Variants in LARP6 observed in about 807,000 individuals in gnomAD.
The protein encoded by LARP6 is la-related protein 6.
In LARP6, 18 loss-of-function variants were observed where a neutral mutation model predicts 32.8. The ratio of observed to expected loss-of-function variants is 0.55; its 90% CI spans 0.38 to 0.81. The LOEUF is 0.81. Ranked by LOEUF, LARP6 falls within the 40% of genes least tolerant of loss-of-function variation. The pLI is 0.00. For missense variants in LARP6, 598 were observed against 663.1 expected (o/e 0.90, Z 1.08); for synonymous variants, 289 against 267.2 (o/e 1.08, Z -0.80).
At chr15:70,833,706 T>C (rs576753017) in intron 2 of LARP6, among the ~76,000 whole-genome samples, 2 of 152,362 alleles carry the variant, frequency 1.3e-5, no homozygotes, top group East Asian at 1.9e-4. Flanking sequence ...ATTATTTTGA[T>C]AGGATTTGGA....
At chr15:70,840,294 C>A (rs111749268) in intron 1 of LARP6, among the ~76,000 whole-genome samples, 1 of 152,260 alleles carries the variant, frequency 6.6e-6, no homozygotes, top group Admixed American at 6.5e-5. Context: ...AATCCCAGCA[C>A]TTTGGGAGGC....
chr15:70,839,773 C>A (rs550428628), intron 1 of LARP6, among the ~76,000 whole-genome samples: 31 of 152,210 alleles, frequency 2.0e-4, no homozygotes, highest in African/African-American at 7.5e-4. Context: ...ACTCTAGAGG[C>A]TATAAAAACT....
At position 70,830,665 on chromosome 15, in the gene LARP6, G is replaced by A. The variant is rs2032024155; in HGVS notation, c.*1387C>T. The A allele has an allele frequency of 6.6e-6, 1 of 152,050 alleles. No individual in the cohort carries two copies. The highest frequency in any genetic ancestry group is 6.6e-5 in the Admixed American group (1 of 15,260). The allele number at this position is 152,050 out of a possible 1,614,324, so 9.4% of individuals were successfully genotyped here. On this transcript the variant is annotated 3_prime_UTR_variant, in exon 3 of 3. Transcript: ENST00000299213. ...CTGAACATTTCTCTTGTAGTTTTTG[G>A]GCAGATTAAATGAGATAATGCATGG...
At chr15:70,835,075 T>C (rs1484967111) in intron 2 of LARP6, among the ~76,000 whole-genome samples, 1 of 152,236 alleles carries the variant, frequency 6.6e-6, no homozygotes, top group East Asian at 1.9e-4. Flanking sequence ...ATGATTCCAC[T>C]GGCTGCTTCA....
intron 2 of LARP6, among the ~76,000 whole-genome samples, chr15:70,833,892 C>A (rs1342206896): frequency 6.6e-6 from 1 of 152,128 alleles, no homozygotes; most frequent in African/African-American, 2.4e-5. Context: ...TGAAATAATC[C>A]CTCCCTCCTC....
chr15:70,833,469 C>T (rs1210509760), intron 2 of LARP6, among the ~76,000 whole-genome samples: 2 of 152,196 alleles, frequency 1.3e-5, no homozygotes, highest in Non-Finnish European at 2.9e-5. Context: ...TGAAGTAAGA[C>T]TTGGAAAGTT....
chr15:70,833,034 C>G lies in LARP6; in HGVS notation c.494G>C (p.Arg165Pro). The G allele has an allele frequency of 4.3e-6, 7 of 1,614,026 alleles. No homozygotes were observed. The highest frequency in any genetic ancestry group is 5.9e-6 in the Non-Finnish European group (7 of 1,179,942). The change falls in exon 3 of 3, where the codon CGG becomes CCG. Residue 165 changes from arginine (R) to proline (P), a missense_variant. Coordinates refer to ENST00000299213, the MANE Select transcript of LARP6 (RefSeq NM_018357.4). ...SVVLELNEDH[R>P]KVRRTTPVPL... is the part of the protein sequence containing the mutation. ...GACGGGGGTGGTCCTCCTCACCTTC[C>G]GGTGGTCCTCATTCAACTCAAGGAC... is the stretch of plus-strand genomic sequence containing the variant.
At position 70,851,752 on chromosome 15, in the gene LARP6, T is replaced by C. The variant is rs769870148; in HGVS notation, c.200+2137A>G. 23 of 1,613,546 alleles carry C rather than the reference T, an allele frequency of 1.4e-5. 1 individual carries two copies. The highest frequency in any genetic ancestry group is 2.2e-5 in the South Asian group (2 of 91,052). ...GGGAGACACAATGATAGAATCACAA[T>C]TGTGGAAGGTGCTAGGCATAAAATG... On this transcript the variant is annotated intron_variant, in intron 1 of 2. Coordinates refer to ENST00000299213, the MANE Select transcript of LARP6 (RefSeq NM_018357.4).
At chr15:70,843,347 A>G (rs2032289483) in intron 1 of LARP6, among the ~76,000 whole-genome samples, 1 of 152,224 alleles carries the variant, frequency 6.6e-6, no homozygotes, top group Non-Finnish European at 1.5e-5. Context: ...TAAACATAGC[A>G]AAAACTAGAA....
Position 70,832,723 on chromosome 15 carries a change from C to T in LARP6, c.805G>A (p.Ala269Thr). 6.3e-7 allele frequency: 1 copy of T among 1,598,334 alleles called. No homozygotes were observed. The highest frequency in any genetic ancestry group is 8.5e-7 in the Non-Finnish European group (1 of 1,173,884). ...ATCATGAACTCATGGGCTTTGATGG[C>T]TGCTTCCACCTCCTCGAACTCCACG... is the stretch of plus-strand genomic sequence containing the variant. The part of the protein sequence containing the change: ...AIVEFEEVEA[A>T]IKAHEFMITE... The change falls in exon 3 of 3, where the codon GCC becomes ACC. Residue 269 changes from alanine (A) to threonine (T), a missense_variant. Ala to Thr is a moderately conservative substitution (Grantham distance 58, BLOSUM62 0). Transcript: ENST00000299213.
At chr15:70,848,479 C>A (rs1283317554) in intron 1 of LARP6, among the ~76,000 whole-genome samples, 2 of 152,216 alleles carry the variant, frequency 1.3e-5, no homozygotes, top group Admixed American at 1.3e-4. Context: ...CGCCTGTAAT[C>A]CCAGCACTTT....
chr15:70,838,035 A>G, intron 1 of LARP6, among the ~76,000 whole-genome samples: 1 of 152,174 alleles, frequency 6.6e-6, no homozygotes. Flanking sequence ...CAATATTTTT[A>G]ATAATTTTGT....
intron 2 of LARP6, 152 bp from the exon 3 acceptor site, chr15:70,833,268 C>T (rs370735818): frequency 2.9e-5 from 18 of 630,590 alleles, no homozygotes; most frequent in East Asian, 1.4e-4. Context: ...TGTAAACACT[C>T]AAAAATCTAG....
At chr15:70,840,508 C>A (rs1764460274) in intron 1 of LARP6, among the ~76,000 whole-genome samples, 1 of 152,124 alleles carries the variant, frequency 6.6e-6, no homozygotes, top group Non-Finnish European at 1.5e-5. Flanking sequence ...CCACTGCACT[C>A]CAGCCTGGGT....
At chr15:70,846,225 A>G (rs2032342722) in intron 1 of LARP6, among the ~76,000 whole-genome samples, 1 of 152,216 alleles carries the variant, frequency 6.6e-6, no homozygotes, top group Non-Finnish European at 1.5e-5. Context: ...AAGAACAGCT[A>G]GAGTATGTCA....
At position 70,832,218 on chromosome 15, in the gene LARP6, C is replaced by T. The variant is rs772932234; in HGVS notation, c.1310G>A (p.Arg437His). The T allele has an allele frequency of 3.7e-6, 6 of 1,613,692 alleles. No individual in the cohort carries two copies. The highest frequency in any genetic ancestry group is 3.4e-6 in the Non-Finnish European group (4 of 1,179,864). ...PSGSPWVRRR[R>H]QAEMGTQEKS... Reference sequence around the variant, plus strand: ...CTCCTGGGTCCCCATCTCGGCTTGGCGACGCCTCCGGACCCAGGGGCTGCC... The same window carrying T: ...CTCCTGGGTCCCCATCTCGGCTTGGTGACGCCTCCGGACCCAGGGGCTGCC... The change falls in exon 3 of 3, where the codon CGC becomes CAC. Residue 437 changes from arginine to histidine, a missense_variant. Arg to His is a conservative substitution (Grantham distance 29). This residue lies in a region of LARP6 where 368 missense variants were observed against 397.9 expected (regional missense o/e 0.92). Transcript: ENST00000299213.
chr15:70,853,819 A>G, intron 1 of LARP6, 70 bp downstream of exon 1: 1 of 1,115,686 alleles, frequency 9.0e-7, no homozygotes, highest in Non-Finnish European at 1.1e-6. Context: ...GCGCGCAGTC[A>G]GCGCCCCGAA....
intron 1 of LARP6, chr15:70,851,928 G>A: frequency 1.5e-6 from 1 of 654,086 alleles, no homozygotes. Flanking sequence ...GAGGCATGTA[G>A]ACACAAAATA....
intron 1 of LARP6, chr15:70,849,818 T>G (rs1167710953): frequency 6.6e-6 from 1 of 152,210 alleles, no homozygotes; most frequent in African/African-American, 2.4e-5. Flanking sequence ...AGTGTGACTA[T>G]TATATCAAAT....
Sources: gnomAD v4.1 joint callset for allele counts (sites outside exome capture counted in the v4.1 genomes callset) on GRCh38, gnomAD v4.1.1 for gene constraint, gnomAD v4.1.1 regional missense constraint, MANE v1.5 for transcripts, NCBI Gene and HGNC (gene_info 2026-07-23, HGNC 2026-07-21) for gene names.